PRMT8: variants seen among roughly 807,000 people sequenced by gnomAD.
PRMT8 encodes the protein protein arginine methyltransferase 8.
Under a neutral mutation model 47.1 loss-of-function variants are expected in PRMT8, and 7 were observed. The ratio of observed to expected loss-of-function variants is 0.15; its 90% CI spans 0.08 to 0.28. The LOEUF (loss-of-function observed/expected upper bound fraction) is 0.28. Ranked by LOEUF, PRMT8 falls within the 10% of genes least tolerant of loss-of-function variation. The probability of loss-of-function intolerance (pLI) is 1.00; values close to 1 mark genes in which losing one functional copy is unlikely to be tolerated. For synonymous variants in PRMT8, 188 were observed against 186.5 expected (o/e 1.01, Z -0.07); for missense variants, 237 against 505.4 (o/e 0.47, Z 5.09).
At position 3,593,612 on chromosome 12, in the gene PRMT8, G is replaced by C. The variant is rs1283638184; in HGVS notation, c.*430G>C. On this transcript the variant is annotated 3_prime_UTR_variant, in exon 10 of 10. Transcript: ENST00000382622. The surrounding 1 kb of genome is among the most constrained non-coding windows in gnomAD (Gnocchi z 4.8). ...AGCCAGATTATCTGTGTGTGCGGTG[G>C]TGTGCGTGTGCGTGCATGTGTGAAT... The C allele has an allele frequency of 4.4e-6, 1 of 224,736 alleles. No homozygotes were observed. 13.9% of individuals were successfully genotyped at this position (224,736 alleles called of 1,614,324 possible).
At chr12:3,386,596 C>T (rs1226920707) in intron 1 of PRMT8, among the ~76,000 whole-genome samples, 2 of 152,178 alleles carry the variant, frequency 1.3e-5, no homozygotes, top group Non-Finnish European at 2.9e-5. Flanking sequence ...ATCCACTTAG[C>T]TATTCGTTCG....
chr12:3,526,237 G>A (rs1435102442), intron 1 of PRMT8, among the ~76,000 whole-genome samples: 1 of 152,122 alleles, frequency 6.6e-6, no homozygotes, highest in Non-Finnish European at 1.5e-5. Context: ...AAGTGTGTGT[G>A]TATACCATAT....
At chr12:3,395,468 T>C (rs1339474809) in intron 1 of PRMT8, among the ~76,000 whole-genome samples, 1 of 151,718 alleles carries the variant, frequency 6.6e-6, no homozygotes, top group African/African-American at 2.4e-5. Context: ...TTTCGTTATG[T>C]ACCCAGTAGT....
At chr12:3,429,739 G>A (rs139323478) in intron 1 of PRMT8, among the ~76,000 whole-genome samples, 4,559 of 152,352 alleles carry the variant, frequency 0.03, 91 homozygotes, top group Non-Finnish European at 0.046. Flanking sequence ...CCAAGTGCCA[G>A]TTCCTTCCCG....
intron 1 of PRMT8, among the ~76,000 whole-genome samples, chr12:3,476,085 A>G (rs1865210078): frequency 6.6e-6 from 1 of 152,198 alleles, no homozygotes; most frequent in African/African-American, 2.4e-5. Flanking sequence ...ACTGATAATA[A>G]AAATGACTTC....
At chr12:3,385,674 C>T (rs1198454134) in intron 1 of PRMT8, among the ~76,000 whole-genome samples, 4 of 152,296 alleles carry the variant, frequency 2.6e-5, no homozygotes, top group South Asian at 2.1e-4. Flanking sequence ...AACGAGTATA[C>T]GTTGTCTCAC....
intron 1 of PRMT8, among the ~76,000 whole-genome samples, chr12:3,383,002 A>C (rs1245723703): frequency 6.6e-6 from 1 of 152,238 alleles, no homozygotes; most frequent in Non-Finnish European, 1.5e-5. Context: ...GCTTTTCCAA[A>C]AAATCACTTA....
intron 1 of PRMT8, among the ~76,000 whole-genome samples, chr12:3,464,021 C>T (rs779040640): frequency 2.6e-5 from 4 of 152,084 alleles, no homozygotes; most frequent in Admixed American, 6.5e-5. Context: ...AGATACGGGG[C>T]GGAGGGAGCC....
At chr12:3,533,545 G>A (rs1866068685) in intron 1 of PRMT8, among the ~76,000 whole-genome samples, 1 of 152,330 alleles carries the variant, frequency 6.6e-6, no homozygotes. Flanking sequence ...GGGAAGCCTG[G>A]ACAACCCTGA....
chr12:3,565,949 A>T (rs970679715), intron 4 of PRMT8, among the ~76,000 whole-genome samples: 12 of 152,178 alleles, frequency 7.9e-5, no homozygotes, highest in Admixed American at 6.5e-5. Context: ...CTCAGGGTAG[A>T]GGTCATGAGG....
intron 1 of PRMT8, among the ~76,000 whole-genome samples, chr12:3,510,124 G>T (rs1865690010): frequency 6.6e-6 from 1 of 152,170 alleles, no homozygotes; most frequent in African/African-American, 2.4e-5. Context: ...AAGATGCAGT[G>T]GGGGATGTTC....
At chr12:3,578,366 G>A (rs1046850337) in intron 7 of PRMT8, among the ~76,000 whole-genome samples, 1 of 151,990 alleles carries the variant, frequency 6.6e-6, no homozygotes, top group Non-Finnish European at 1.5e-5. Flanking sequence ...CTGAAACTAC[G>A]GCTACGTGCC....
intron 6 of PRMT8, among the ~76,000 whole-genome samples, chr12:3,575,505 C>T (rs998193064): frequency 3.3e-5 from 5 of 152,220 alleles, no homozygotes; most frequent in South Asian, 2.1e-4. Flanking sequence ...GTTGCTGTCA[C>T]GGCTGGGCCA....
chr12:3,423,964 G>T (rs1273182697), intron 1 of PRMT8, among the ~76,000 whole-genome samples: 1 of 152,152 alleles, frequency 6.6e-6, no homozygotes, highest in Non-Finnish European at 1.5e-5. Flanking sequence ...AACTGGGTCT[G>T]TAGGTACTAA....
intron 1 of PRMT8, among the ~76,000 whole-genome samples, chr12:3,477,439 G>A (rs34327938): frequency 0.039 from 5,935 of 152,288 alleles, 176 homozygotes; most frequent in Non-Finnish European, 0.058. Flanking sequence ...AGGGGGAGGT[G>A]GCTTGAGTTT....
At chr12:3,592,963 A>T in intron 9 of PRMT8, 136 bp from the exon 10 acceptor site, 1 of 692,230 alleles carries the variant, frequency 1.4e-6, no homozygotes, top group African/African-American at 1.8e-5. Context: ...GTTCAGGGGA[A>T]CCCCTTAGCC....
At chr12:3,549,055 T>C (rs1005915600) in intron 2 of PRMT8, among the ~76,000 whole-genome samples, 2 of 152,170 alleles carry the variant, frequency 1.3e-5, no homozygotes, top group African/African-American at 2.4e-5. Context: ...TATATAAAGT[T>C]CTAAAATAGG....
chr12:3,553,379 C>T (rs1866462424), intron 3 of PRMT8: 7 of 537,788 alleles, frequency 1.3e-5, no homozygotes, highest in Non-Finnish European at 3.3e-6. Flanking sequence ...CTGCCAGCCC[C>T]TTTTGAGTCT....
intron 6 of PRMT8, among the ~76,000 whole-genome samples, chr12:3,575,224 A>G (rs1216213751): frequency 1.3e-5 from 2 of 152,216 alleles, no homozygotes; most frequent in Non-Finnish European, 2.9e-5. Context: ...GTCAAAGGAG[A>G]AAAGCTGTCG....
Sources: gnomAD v4.1 joint callset for allele counts (sites outside exome capture counted in the v4.1 genomes callset) on GRCh38, gnomAD v4.1.1 for gene constraint, Gnocchi (gnomAD v3.1) non-coding constraint, MANE v1.5 for transcripts, NCBI Gene and HGNC (gene_info 2026-07-23, HGNC 2026-07-21) for gene names.